MCTP1: variants seen among roughly 807,000 people sequenced by gnomAD.
MCTP1 encodes multiple C2 and transmembrane domain-containing protein 1.
MCTP1 carries 69 observed loss-of-function variants against 120.6 expected under a neutral mutation model. The ratio of observed to expected loss-of-function variants is 0.57; its 90% CI spans 0.47 to 0.70. The LOEUF (loss-of-function observed/expected upper bound fraction) is 0.70, where lower values mean the gene tolerates loss of function less well. MCTP1 is among the 30% of genes least tolerant of loss of function. The probability of loss-of-function intolerance (pLI) is 0.00; values close to 1 mark genes in which losing one functional copy is unlikely to be tolerated. For synonymous variants in MCTP1, 529 were observed against 493.1 expected (o/e 1.07, Z -0.96); for missense variants, 1,203 against 1,248.8 (o/e 0.96, Z 0.55).
chr5:94,730,589 A>T (rs1243359951), intron 19 of MCTP1, among the ~76,000 whole-genome samples: 1 of 152,176 alleles, frequency 6.6e-6, no homozygotes, highest in Non-Finnish European at 1.5e-5. Flanking sequence ...TGTGCCAAAG[A>T]TTCCTGCATC....
chr5:95,274,724 T>A (rs545085022), intron 1 of MCTP1, among the ~76,000 whole-genome samples: 2 of 152,016 alleles, frequency 1.3e-5, no homozygotes, highest in East Asian at 3.9e-4. Flanking sequence ...CCCGGGTTCA[T>A]GCCATTCTCC....
At chr5:95,160,720 A>G (rs1745629193) in intron 1 of MCTP1, among the ~76,000 whole-genome samples, 1 of 68,110 alleles carries the variant, frequency 1.5e-5, no homozygotes, top group Admixed American at 1.6e-4. Flanking sequence ...ATAAGGGGCT[A>G]ATACCCAAAA....
chr5:94,868,164 T>C, intron 17 of MCTP1, 169 bp downstream of exon 17: 2 of 504,676 alleles, frequency 4.0e-6, no homozygotes, highest in Non-Finnish European at 6.3e-6. Flanking sequence ...GACTCAGACC[T>C]TGTACAATCC....
chr5:95,007,353 G>A (rs144275170), intron 2 of MCTP1, among the ~76,000 whole-genome samples: 1 of 152,114 alleles, frequency 6.6e-6, no homozygotes, highest in Non-Finnish European at 1.5e-5. Flanking sequence ...AAACGAAGAG[G>A]AACCTGAATA....
At chr5:95,046,303 T>C (rs1436084849) in intron 1 of MCTP1, among the ~76,000 whole-genome samples, 1 of 152,120 alleles carries the variant, frequency 6.6e-6, no homozygotes, top group African/African-American at 2.4e-5. Flanking sequence ...CACAGAAACC[T>C]TGAACAAAGC....
intron 1 of MCTP1, among the ~76,000 whole-genome samples, chr5:95,088,344 T>C (rs6556858): frequency 0.32 from 48,059 of 152,108 alleles, 7,975 homozygotes; most frequent in South Asian, 0.42. Context: ...TGTCCAGAAA[T>C]GACCTTGAAA....
chr5:95,283,965 G>A lies in MCTP1; in HGVS notation c.611C>T (p.Thr204Ile). The A allele has an allele frequency of 7.0e-7, 1 of 1,423,160 alleles. No homozygotes were observed. The highest frequency in any genetic ancestry group is 1.5e-5 in the South Asian group (1 of 65,106). 88.2% of individuals were successfully genotyped at this position (1,423,160 alleles called of 1,614,324 possible). A position where few individuals can be genotyped will look rare whatever the true frequency, so the allele number is the denominator to read the frequency against. ...CHQKSSSLPG[T>I]ACLEQLLEPP... is the part of the protein sequence containing the mutation. ...CTCCAGCAGCTGCTCCAGGCAGGCG[G>A]TGCCCGGCAGAGAGGAGCTCTTCTG... Residue 204 changes from threonine to isoleucine, a missense_variant, in exon 1 of 23, where the codon ACC becomes ATC. Thr to Ile is a moderately conservative substitution (Grantham distance 89). Coordinates refer to ENST00000515393, the MANE Select transcript of MCTP1 (RefSeq NM_024717.7).
chr5:95,199,537 A>C (rs1005406227), intron 1 of MCTP1, among the ~76,000 whole-genome samples: 1 of 152,184 alleles, frequency 6.6e-6, no homozygotes, highest in Non-Finnish European at 1.5e-5. Context: ...ATTTCACTGC[A>C]TACCTGTTAG....
At chr5:94,805,703 A>G (rs887987939) in intron 17 of MCTP1, among the ~76,000 whole-genome samples, 1 of 151,654 alleles carries the variant, frequency 6.6e-6, no homozygotes, top group Non-Finnish European at 1.5e-5. Context: ...AACTTTAAGG[A>G]AAAAGTCCTG....
At chr5:94,999,988 C>A (rs1833355694) in intron 2 of MCTP1, among the ~76,000 whole-genome samples, 1 of 152,178 alleles carries the variant, frequency 6.6e-6, no homozygotes. Flanking sequence ...GACTCATTTA[C>A]AAAGTCTCCA....
chr5:94,747,878 G>A (rs969177133), intron 19 of MCTP1, among the ~76,000 whole-genome samples: 4 of 152,144 alleles, frequency 2.6e-5, no homozygotes, highest in Non-Finnish European at 5.9e-5. Flanking sequence ...ATCATCTGAG[G>A]TCAGGAGTTT....
At chr5:95,113,181 G>C (rs1297551407) in intron 1 of MCTP1, among the ~76,000 whole-genome samples, 1 of 151,960 alleles carries the variant, frequency 6.6e-6, no homozygotes, top group Non-Finnish European at 1.5e-5. Flanking sequence ...CATTAAAGCA[G>C]CCTCTATAAC....
intron 12 of MCTP1, among the ~76,000 whole-genome samples, chr5:94,883,727 G>A (rs1160092842): frequency 6.6e-6 from 1 of 152,068 alleles, no homozygotes; most frequent in East Asian, 1.9e-4. Flanking sequence ...ACAATTAAAG[G>A]CACATGCTAT....
chr5:95,170,160 C>T (rs559131104), intron 1 of MCTP1, among the ~76,000 whole-genome samples: 36 of 152,270 alleles, frequency 2.4e-4, no homozygotes, highest in African/African-American at 7.7e-4. Context: ...GCCTTCATTT[C>T]GTTATGTAGC....
intron 1 of MCTP1, among the ~76,000 whole-genome samples, chr5:95,020,414 C>A (rs980558806): frequency 1.8e-4 from 28 of 152,044 alleles, no homozygotes; most frequent in African/African-American, 6.8e-4. Context: ...TTGCTGTAGT[C>A]ATTTCCTCTT....
At chr5:94,843,199 C>A (rs919364727) in intron 17 of MCTP1, among the ~76,000 whole-genome samples, 19 of 151,798 alleles carry the variant, frequency 1.3e-4, no homozygotes, top group African/African-American at 3.6e-4. Context: ...GTAGAATTAA[C>A]AAATGCAACC....
At chr5:94,877,781 T>C (rs1293283968) in intron 12 of MCTP1, 1 of 152,162 alleles carries the variant, frequency 6.6e-6, no homozygotes, top group Non-Finnish European at 1.5e-5. Context: ...AAACTACTGG[T>C]TTGAGCATTA....
intron 19 of MCTP1, among the ~76,000 whole-genome samples, chr5:94,759,909 A>AG (rs1285674248): frequency 7.1e-6 from 1 of 140,842 alleles, no homozygotes; most frequent in Non-Finnish European, 1.6e-5. Flanking sequence ...AAGAGAAAAA[A>AG]AAAAAAAAAA....
chr5:94,966,622 C>T (rs1482068208), intron 2 of MCTP1, among the ~76,000 whole-genome samples: 6 of 151,998 alleles, frequency 3.9e-5, no homozygotes, highest in Non-Finnish European at 8.8e-5. Flanking sequence ...GGTGAAACCC[C>T]GTCTCTACTA....
Sources: allele counts gnomAD v4.1 joint callset (sites outside exome capture counted in the v4.1 genomes callset), GRCh38; gene constraint gnomAD v4.1.1; transcripts MANE v1.5; gene names NCBI Gene and HGNC (gene_info 2026-07-23, HGNC 2026-07-21).